The following SLC22A4 variants were observed in gnomAD, a reference collection of about 807,000 sequenced individuals.
SLC22A4 encodes ET transporter.
In SLC22A4, 39 loss-of-function variants were observed where a neutral mutation model predicts 56.6. The ratio of observed to expected loss-of-function variants is 0.69; its 90% CI spans 0.53 to 0.90. The LOEUF (loss-of-function observed/expected upper bound fraction) is 0.90, where lower values mean the gene tolerates loss of function less well. SLC22A4 is among the 40% of genes least tolerant of loss of function. The pLI, the probability that SLC22A4 is intolerant of heterozygous loss-of-function variation, is 0.00. For missense variants in SLC22A4, 594 were observed against 696.5 expected (o/e 0.85, Z 1.66); for synonymous variants, 241 against 281.4 (o/e 0.86, Z 1.44).
In SLC22A4 at chr5:132,334,759, C is replaced by G; in HGVS notation, c.1088C>G (p.Ala363Gly). The G allele has an allele frequency of 1.2e-6, 2 of 1,614,040 alleles. No individual in the cohort carries two copies. Among genetic ancestry groups the G allele is most frequent in the Non-Finnish European group, 1.7e-6 (2 of 1,179,902 alleles). Residue 363 changes from alanine to glycine, a missense_variant, in exon 7 of 10, where the codon GCT becomes GGT. Physicochemically the swap from Ala to Gly is moderately conservative, Grantham distance 60 (BLOSUM62 0). Coordinates refer to ENST00000200652, the MANE Select transcript of SLC22A4 (RefSeq NM_003059.3). ...GGTTACTTTGCTCTGTCTCTGGATGCTCCTAATTTACATGGAGATGCCTAC... is the reference window on the plus strand; with the variant it reads ...GGTTACTTTGCTCTGTCTCTGGATGGTCCTAATTTACATGGAGATGCCTAC... ...SVGYFALSLD[A>G]PNLHGDAYLN...
chr5:132,298,802 A>G (rs1341605615), intron 1 of SLC22A4, among the ~76,000 whole-genome samples: 5 of 152,244 alleles, frequency 3.3e-5, no homozygotes, highest in Admixed American at 2.0e-4. Flanking sequence ...GCAGAAGCTC[A>G]GCACCTTCTT....
chr5:132,315,339 C>T (rs546125622), intron 3 of SLC22A4, among the ~76,000 whole-genome samples: 2 of 152,088 alleles, frequency 1.3e-5, no homozygotes, highest in Non-Finnish European at 2.9e-5. Context: ...TAGAGAGTCA[C>T]GGTGAAGCCA....
chr5:132,322,340 G>A lies in SLC22A4; in HGVS notation c.809G>A (p.Cys270Tyr), dbSNP rs1475566776. The A allele has an allele frequency of 6.2e-7, 1 of 1,613,480 alleles. No individual in the cohort carries two copies. Among genetic ancestry groups the A allele is most frequent in the African/African-American group, 1.3e-5 (1 of 74,906 alleles). Residue 270 changes from cysteine (C) to tyrosine (Y), a missense_variant, in exon 4 of 10, where the codon TGT becomes TAT. By Grantham distance (194) the Cys-to-Tyr change is radical (BLOSUM62 -2). Transcript: ENST00000200652. ...LLALTVPGVL[C>Y]VPLWWFIPES... ...GCGCTGACGGTGCCGGGAGTGCTGT[G>A]TGTCCCGCTGTGGTGGTGAGTGTGA...
chr5:132,318,373 G>A (rs1341101296), intron 3 of SLC22A4, among the ~76,000 whole-genome samples: 3 of 152,096 alleles, frequency 2.0e-5, no homozygotes, highest in Admixed American at 6.6e-5. Context: ...CATGAAAGAC[G>A]GCTTATCACA....
At chr5:132,320,953 G>C (rs1750517402) in intron 3 of SLC22A4, 1 of 152,228 alleles carries the variant, frequency 6.6e-6, no homozygotes, top group Admixed American at 6.5e-5. Flanking sequence ...AGTGAACCAA[G>C]GGCAGACTCT....
intron 1 of SLC22A4, among the ~76,000 whole-genome samples, chr5:132,306,927 T>C (rs775078312): frequency 6.6e-6 from 1 of 152,148 alleles, no homozygotes; most frequent in South Asian, 2.1e-4. Context: ...AGAAAGTAGA[T>C]TAGTGGTTTC....
At chr5:132,329,799 AT>A (rs1750803864) in intron 5 of SLC22A4, among the ~76,000 whole-genome samples, 1 of 152,202 alleles carries the variant, frequency 6.6e-6, no homozygotes, top group Non-Finnish European at 1.5e-5. Context: ...ATACAAGCAT[AT>A]TCTTGTTCTG....
In SLC22A4 at chr5:132,343,830, T is replaced by C. The variant is rs1751288977; in HGVS notation, c.1651T>C (p.Phe551Leu). 1 of 1,596,960 alleles carries C rather than the reference T, an allele frequency of 6.3e-7. No homozygotes were observed. Among genetic ancestry groups the C allele is most frequent in the Non-Finnish European group, 8.6e-7 (1 of 1,165,620 alleles). The stretch of plus-strand genomic sequence containing the variant: ...AAATCCCAAGGTTCTAATAACTGCA[T>C]TCTGAAAAAATATCTACCCCATTTG... ...EENPKVLITA[F>L] The change falls in exon 10 of 10, where the codon TTC becomes CTC. Residue 551 changes from phenylalanine to leucine, a missense_variant. Coordinates refer to ENST00000200652, the MANE Select transcript of SLC22A4 (RefSeq NM_003059.3).
intron 5 of SLC22A4, among the ~76,000 whole-genome samples, chr5:132,330,065 T>C (rs1750811137): frequency 6.6e-6 from 1 of 152,230 alleles, no homozygotes. Flanking sequence ...TGCTTTGTTA[T>C]AATACCAGGG....
chr5:132,339,906 T>C (rs987787276), intron 8 of SLC22A4, among the ~76,000 whole-genome samples: 1 of 152,184 alleles, frequency 6.6e-6, no homozygotes, highest in Admixed American at 6.5e-5. Flanking sequence ...TCTGTTTTTC[T>C]CCTGTGTGAG....
chr5:132,302,089 G>A (rs1749919344), intron 1 of SLC22A4, among the ~76,000 whole-genome samples: 1 of 152,328 alleles, frequency 6.6e-6, no homozygotes, highest in Admixed American at 6.5e-5. Context: ...TGGCCTGAAT[G>A]TGCTTCCCTG....
At chr5:132,298,266 T>C (rs1749823884) in intron 1 of SLC22A4, among the ~76,000 whole-genome samples, 1 of 152,172 alleles carries the variant, frequency 6.6e-6, no homozygotes. Context: ...TGGATAAACA[T>C]AATGTGGTAT....
In SLC22A4 at chr5:132,313,785, G is replaced by C; in HGVS notation, c.652+17G>C. 6.2e-7 allele frequency: 1 copy of C among 1,613,452 alleles called. No individual in the cohort carries two copies. Among genetic ancestry groups the C allele is most frequent in the Non-Finnish European group, 8.5e-7 (1 of 1,179,456 alleles). ...TCATACTAGGTAGGAATGGCTTCTGGGACATGGGGTGCTTCCCTCTAACCC... is the reference window on the plus strand; with the variant it reads ...TCATACTAGGTAGGAATGGCTTCTGCGACATGGGGTGCTTCCCTCTAACCC... On this transcript the variant is annotated intron_variant, in intron 3 of 9. Transcript: ENST00000200652.
chr5:132,335,674 C>T (rs2126738669), intron 7 of SLC22A4, 144 bp from the exon 8 acceptor site: 1 of 731,154 alleles, frequency 1.4e-6, no homozygotes, highest in Non-Finnish European at 2.4e-6. Flanking sequence ...AATATTAGGA[C>T]ATTTGAAGAG....
intron 3 of SLC22A4, among the ~76,000 whole-genome samples, chr5:132,318,857 T>C (rs952040799): frequency 1.6e-4 from 25 of 151,984 alleles, no homozygotes; most frequent in African/African-American, 5.1e-4. Flanking sequence ...AGATAGAGCA[T>C]AGGGGGCCAG....
At chr5:132,323,588 C>T (rs547681752) in intron 4 of SLC22A4, among the ~76,000 whole-genome samples, 6 of 152,306 alleles carry the variant, frequency 3.9e-5, no homozygotes, top group South Asian at 4.1e-4. Context: ...CCGGGAAACC[C>T]GGCCTGAGGA....
chr5:132,313,797 C>T, intron 3 of SLC22A4, 29 bp downstream of exon 3: 6 of 1,610,218 alleles, frequency 3.7e-6, no homozygotes, highest in Non-Finnish European at 5.1e-6. Flanking sequence ...ACATGGGGTG[C>T]TTCCCTCTAA....
At chr5:132,295,241 C>T in intron 1 of SLC22A4, 1 of 715,746 alleles carries the variant, frequency 1.4e-6, no homozygotes, top group Non-Finnish European at 2.6e-6. Flanking sequence ...AGTTTGTCAC[C>T]AACTGTCTTT....
At chr5:132,319,908 T>C (rs1750481013) in intron 3 of SLC22A4, among the ~76,000 whole-genome samples, 2 of 152,216 alleles carry the variant, frequency 1.3e-5, no homozygotes, top group South Asian at 4.1e-4. Flanking sequence ...TTAGTTTTTA[T>C]ATAACTGGTG....
Sources: allele counts gnomAD v4.1 joint callset (sites outside exome capture counted in the v4.1 genomes callset), GRCh38; gene constraint gnomAD v4.1.1; transcripts MANE v1.5; gene names NCBI Gene and HGNC (gene_info 2026-07-23, HGNC 2026-07-21).